The following KHDRBS2 variants were observed in gnomAD, a reference collection of about 807,000 sequenced individuals.
KHDRBS2 encodes KH RNA binding domain containing, signal transduction associated 2, also known as KH domain-containing, RNA-binding, signal transduction-associated protein 2.
KHDRBS2 carries 26 observed loss-of-function variants against 44.3 expected under a neutral mutation model. The ratio of observed to expected loss-of-function variants is 0.59; its 90% CI spans 0.43 to 0.81. The LOEUF (loss-of-function observed/expected upper bound fraction) is 0.81. Among genes scored for constraint, KHDRBS2 ranks in the 40% least tolerant of loss-of-function variants. KHDRBS2 has a pLI of 0.00. For missense variants in KHDRBS2, 476 were observed against 433.1 expected (o/e 1.10, Z -0.88); for synonymous variants, 194 against 151.1 (o/e 1.28, Z -2.08).
chr6:61,834,508 A>G lies in KHDRBS2; in HGVS notation c.810+60127T>C, dbSNP rs530213916. Among the ~76,000 whole-genome samples, 345 of 152,144 alleles carry G rather than the reference A, an allele frequency of 2.3e-3. 2 individuals are homozygous for G. The highest frequency in any genetic ancestry group is 8.1e-3 in the African/African-American group (336 of 41,566). Reference sequence around the variant, plus strand: ...TTTCTTTATCATAATTGAAGAAAAGAATACTCTCAAAAGCTAATTCCTTTT... The same window carrying G: ...TTTCTTTATCATAATTGAAGAAAAGGATACTCTCAAAAGCTAATTCCTTTT... On this transcript the variant is annotated intron_variant, in intron 6 of 8. Coordinates refer to ENST00000281156, the MANE Select transcript of KHDRBS2 (RefSeq NM_152688.4).
intron 6 of KHDRBS2, among the ~76,000 whole-genome samples, chr6:61,892,284 C>T (rs1801991076): frequency 1.3e-5 from 2 of 152,188 alleles, no homozygotes; most frequent in Admixed American, 1.3e-4. Flanking sequence ...ATTCCATGCT[C>T]ATGGGTAGGA....
the KHDRBS2 span, among the ~76,000 whole-genome samples, chr6:61,597,024 G>A: frequency 1.3e-5 from 2 of 152,148 alleles, no homozygotes; most frequent in African/African-American, 4.8e-5. Flanking sequence ...ACAGAGCTTA[G>A]ATCTAAATAT....
intron 3 of KHDRBS2, among the ~76,000 whole-genome samples, chr6:61,990,351 T>TA (rs1318052889): frequency 5.3e-5 from 8 of 152,190 alleles, no homozygotes; most frequent in Admixed American, 3.3e-4. Flanking sequence ...AATAATTTTT[T>TA]AAAAATCTAC....
chr6:61,775,172 C>T (rs371469391), intron 6 of KHDRBS2, among the ~76,000 whole-genome samples: 3 of 152,164 alleles, frequency 2.0e-5, no homozygotes, highest in East Asian at 1.9e-4. Flanking sequence ...ATGACAAACC[C>T]ACAGCCAATA....
At chr6:61,890,807 T>G (rs1415454034) in intron 6 of KHDRBS2, among the ~76,000 whole-genome samples, 2 of 152,166 alleles carry the variant, frequency 1.3e-5, no homozygotes, top group African/African-American at 4.8e-5. Context: ...CTTGTGGGTT[T>G]GTTTGCAGAG....
At position 62,234,816 on chromosome 6, in the gene KHDRBS2, G is replaced by T. The variant is rs148693489; in HGVS notation, c.91+51042C>A. Among the ~76,000 whole-genome samples the T allele has an allele frequency of 7.3e-4, 111 of 152,072 alleles. 1 individual carries two copies. Among genetic ancestry groups the T allele is most frequent in the African/African-American group, 2.5e-3 (103 of 41,528 alleles). On this transcript the variant is annotated intron_variant, in intron 1 of 8. Coordinates refer to ENST00000281156, the MANE Select transcript of KHDRBS2 (RefSeq NM_152688.4). ...TATCTATAACATTACAGTGCTATCT[G>T]TAATGGCTAAAGTAGATTTGACAAA...
chr6:61,873,139 A>G (rs1319435486), intron 6 of KHDRBS2, among the ~76,000 whole-genome samples: 1 of 152,124 alleles, frequency 6.6e-6, no homozygotes, highest in Non-Finnish European at 1.5e-5. Flanking sequence ...CATAAAAATC[A>G]TGGTCTATTA....
intron 1 of KHDRBS2, among the ~76,000 whole-genome samples, chr6:62,192,140 TATCTG>T (rs1342508956): frequency 6.6e-6 from 1 of 152,086 alleles, no homozygotes; most frequent in African/African-American, 2.4e-5. Context: ...TTATTCAATA[TATCTG>T]ATCAATCAGT....
chr6:61,932,529 G>A (rs568067800), intron 4 of KHDRBS2, among the ~76,000 whole-genome samples: 3 of 152,072 alleles, frequency 2.0e-5, no homozygotes, highest in South Asian at 4.2e-4. Flanking sequence ...GGCCGGGCAC[G>A]GTGCCTCACG....
At chr6:62,087,900 C>A (rs146607979) in intron 2 of KHDRBS2, among the ~76,000 whole-genome samples, 14 of 152,180 alleles carry the variant, frequency 9.2e-5, no homozygotes, top group Admixed American at 2.0e-4. Flanking sequence ...CCTTTTCATT[C>A]TTTTTTCTCT....
chr6:61,560,465 T>A, the KHDRBS2 span, among the ~76,000 whole-genome samples: 3 of 152,182 alleles, frequency 2.0e-5, no homozygotes, highest in Non-Finnish European at 2.9e-5. Context: ...GGCTATTTTC[T>A]ATATCTTGTA....
intron 6 of KHDRBS2, among the ~76,000 whole-genome samples, chr6:61,866,278 C>T (rs1212325916): frequency 6.6e-6 from 1 of 152,226 alleles, no homozygotes; most frequent in Non-Finnish European, 1.5e-5. Context: ...TGGAGGCTCC[C>T]AAGCCCCAAT....
intron 1 of KHDRBS2, among the ~76,000 whole-genome samples, chr6:62,197,053 A>C (rs751339203): frequency 6.6e-6 from 1 of 152,138 alleles, no homozygotes; most frequent in Non-Finnish European, 1.5e-5. Context: ...TGCAGTATAA[A>C]AATCACACTG....
At chr6:62,093,784 A>T (rs1249923918) in intron 2 of KHDRBS2, among the ~76,000 whole-genome samples, 2 of 151,544 alleles carry the variant, frequency 1.3e-5, no homozygotes, top group African/African-American at 4.8e-5. Context: ...ACATAATGCC[A>T]TTCAGATTCC....
At chr6:61,578,592 C>T in the KHDRBS2 span, among the ~76,000 whole-genome samples, 1 of 152,082 alleles carries the variant, frequency 6.6e-6, no homozygotes, top group African/African-American at 2.4e-5. Flanking sequence ...AAAAATTTGC[C>T]TTATAAAAAC....
chr6:61,684,477 C>G (rs1373584642), intron 8 of KHDRBS2, among the ~76,000 whole-genome samples: 1 of 151,816 alleles, frequency 6.6e-6, no homozygotes, highest in Non-Finnish European at 1.5e-5. Context: ...TCTTGGGTCT[C>G]TCAGTAGACA....
At chr6:61,884,115 A>T (rs1800583030) in intron 6 of KHDRBS2, among the ~76,000 whole-genome samples, 1 of 152,106 alleles carries the variant, frequency 6.6e-6, no homozygotes, top group Admixed American at 6.6e-5. Flanking sequence ...GAGGGTTGGC[A>T]GCCTGAACTC....
At chr6:62,079,160 G>C (rs573665458) in intron 2 of KHDRBS2, among the ~76,000 whole-genome samples, 1 of 151,520 alleles carries the variant, frequency 6.6e-6, no homozygotes, top group Admixed American at 6.6e-5. Flanking sequence ...AGTCATCTTG[G>C]GTTTCTCTGT....
At chr6:62,188,689 T>G (rs775786391) in intron 1 of KHDRBS2, among the ~76,000 whole-genome samples, 1 of 152,128 alleles carries the variant, frequency 6.6e-6, no homozygotes, top group South Asian at 2.1e-4. Context: ...ATTTGGCACA[T>G]TTAAGAAATT....
Sources: gnomAD v4.1 joint callset for allele counts (sites outside exome capture counted in the v4.1 genomes callset) on GRCh38, gnomAD v4.1.1 for gene constraint, MANE v1.5 for transcripts, NCBI Gene and HGNC (gene_info 2026-07-23, HGNC 2026-07-21) for gene names.